The following STARD9 variants were observed in gnomAD, a reference collection of about 807,000 sequenced individuals.
STARD9 encodes the protein StAR related lipid transfer domain containing 9, also known as stAR-related lipid transfer protein 9.
STARD9 carries 346 observed loss-of-function variants against 399.8 expected under a neutral mutation model. The ratio of observed to expected loss-of-function variants is 0.87; its 90% CI spans 0.79 to 0.95. The LOEUF (loss-of-function observed/expected upper bound fraction) is 0.95, where lower values mean the gene tolerates loss of function less well. STARD9 is among the 40% of genes least tolerant of loss of function. The pLI, the probability that STARD9 is intolerant of heterozygous loss-of-function variation, is 0.00. For missense variants in STARD9, 5,832 were observed against 5,667.5 expected (o/e 1.03, Z -0.93); for synonymous variants, 2,203 against 2,143.5 (o/e 1.03, Z -0.77).
At position 42,691,428 on chromosome 15, in the gene STARD9, G is replaced by C. The variant is rs1044796344; in HGVS notation, c.9850G>C (p.Ala3284Pro). 7 of 1,537,242 alleles carry C rather than the reference G, an allele frequency of 4.6e-6. No homozygotes were observed. The Admixed American group carries it at 7.8e-5, about 17-fold the overall frequency. ...GAGGCAAAATGAAACACCGCAGCCT[G>C]CTGCTCAGAGGAGTGGCCACCTCTA... is the stretch of plus-strand genomic sequence containing the variant. ...SLRQNETPQP[A>P]AQRSGHLYTG... Residue 3284 changes from alanine to proline, a missense_variant, in exon 23 of 33, where the codon GCT (alanine) becomes CCT (proline). Ala to Pro is a conservative substitution (Grantham distance 27). This residue lies in a region of STARD9 where 5,828 missense variants were observed against 5,651.1 expected (regional missense o/e 1.03). Coordinates refer to ENST00000290607, the MANE Select transcript of STARD9 (RefSeq NM_020759.3).
At chr15:42,633,207 C>T (rs757259241) in intron 3 of STARD9, among the ~76,000 whole-genome samples, 13 of 151,346 alleles carry the variant, frequency 8.6e-5, no homozygotes, top group Non-Finnish European at 1.0e-4. Flanking sequence ...TCCCTAATTA[C>T]GTGTATTACT....
At chr15:42,714,532 A>G (rs913524112) in intron 26 of STARD9, among the ~76,000 whole-genome samples, 4 of 152,034 alleles carry the variant, frequency 2.6e-5, no homozygotes, top group Non-Finnish European at 5.9e-5. Flanking sequence ...TGCTTCAGCC[A>G]TTTTCCATAG....
Position 42,638,732 on chromosome 15 carries a change from A to T in STARD9, c.479A>T (p.Asp160Val), listed in dbSNP as rs1164054400. 2 of 1,536,246 alleles carry T rather than the reference A, an allele frequency of 1.3e-6. No individual in the cohort carries two copies. Among genetic ancestry groups the T allele is most frequent in the African/African-American group, 2.7e-5 (2 of 72,986 alleles). Residue 160 changes from aspartate to valine, a missense_variant, in exon 7 of 33, where the codon GAT (aspartate) becomes GTT (valine). Asp to Val is a radical substitution (Grantham distance 152). This residue lies in a region of STARD9 where 5,828 missense variants were observed against 5,651.1 expected (regional missense o/e 1.03). Coordinates refer to ENST00000290607, the MANE Select transcript of STARD9 (RefSeq NM_020759.3). ...FLEIYNERVR[D>V]LLKQSGQKKS... ...GAAATCTATAATGAACGGGTGCGGG[A>T]TCTGTTGAAGCAATCTGGTCAAAAA...
At chr15:42,602,760 A>T (rs79590158) in intron 3 of STARD9, among the ~76,000 whole-genome samples, 33 of 152,380 alleles carry the variant, frequency 2.2e-4, no homozygotes, top group African/African-American at 7.9e-4. Flanking sequence ...AGACTCGGCC[A>T]GCAATCAGCC....
At chr15:42,586,859 G>A (rs372097263) in intron 3 of STARD9, among the ~76,000 whole-genome samples, 144 of 147,458 alleles carry the variant, frequency 9.8e-4, no homozygotes, top group African/African-American at 3.3e-3. Context: ...TTTTTTTGGT[G>A]GGGGGCCGGG....
intron 26 of STARD9, among the ~76,000 whole-genome samples, chr15:42,713,560 A>T (rs909011219): frequency 6.6e-6 from 1 of 152,208 alleles, no homozygotes; most frequent in Non-Finnish European, 1.5e-5. Context: ...AGGTTGAGGA[A>T]ATTCCCTTAT....
At chr15:42,665,122 A>C (rs1170052871) in intron 13 of STARD9, 131 bp from the exon 14 acceptor site, 1 of 687,610 alleles carries the variant, frequency 1.5e-6, no homozygotes, top group East Asian at 2.8e-5. Flanking sequence ...TGGGACCACA[A>C]CTTGAGAATG....
intron 9 of STARD9, among the ~76,000 whole-genome samples, chr15:42,653,632 C>A (rs2059807770): frequency 6.6e-6 from 1 of 152,128 alleles, no homozygotes; most frequent in African/African-American, 2.4e-5. Flanking sequence ...ATATAAAAAA[C>A]TGGCAATAAG....
At chr15:42,579,952 G>A (rs1192385888) in intron 1 of STARD9, among the ~76,000 whole-genome samples, 1 of 152,124 alleles carries the variant, frequency 6.6e-6, no homozygotes, top group Non-Finnish European at 1.5e-5. Context: ...TACTTGGTGT[G>A]GACCTGCTCT....
chr15:42,652,597 G>A lies in STARD9; in HGVS notation c.702+5G>A, dbSNP rs2059785293. The A allele has an allele frequency of 6.5e-7, 1 of 1,536,976 alleles. No individual in the cohort carries two copies. The highest frequency in any genetic ancestry group is 8.7e-7 in the Non-Finnish European group (1 of 1,146,542). Reference sequence around the variant, plus strand: ...TTCACGATCCACTACACGCAGGTTGGTAACTCCTTATGTTTGGTGAGATTT... The same window carrying A: ...TTCACGATCCACTACACGCAGGTTGATAACTCCTTATGTTTGGTGAGATTT... On this transcript the variant is annotated splice_donor_5th_base_variant and intron_variant, in intron 9 of 32. Transcript: ENST00000290607.
chr15:42,708,244 G>A (rs1651384447), intron 26 of STARD9, among the ~76,000 whole-genome samples: 3 of 152,234 alleles, frequency 2.0e-5, no homozygotes, highest in African/African-American at 7.2e-5. Context: ...TAGGGGATTA[G>A]TTATTTGAAA....
Position 42,652,517 on chromosome 15 carries a change from C to G in STARD9, c.630-3C>G. On this transcript the variant is annotated splice_polypyrimidine_tract_variant and splice_region_variant and intron_variant, in intron 8 of 32. Transcript: ENST00000290607. ...TCCTAACAGTTTTTCCTTGTATACACAGAATCACAGCAGCCACCCATGTTC... is the reference window on the plus strand; with the variant it reads ...TCCTAACAGTTTTTCCTTGTATACAGAGAATCACAGCAGCCACCCATGTTC... 6.5e-7 allele frequency: 1 copy of G among 1,537,302 alleles called. No individual in the cohort carries two copies. Among genetic ancestry groups the G allele is most frequent in the East Asian group, 2.4e-5 (1 of 40,916 alleles).
intron 14 of STARD9, 116 bp downstream of exon 14, chr15:42,665,446 C>T (rs765041701): frequency 6.3e-5 from 51 of 812,890 alleles, no homozygotes; most frequent in African/African-American, 1.4e-4. Flanking sequence ...GACTCTCTTA[C>T]GGCAGAGACA....
At chr15:42,595,488 T>G (rs1476547992) in intron 3 of STARD9, among the ~76,000 whole-genome samples, 2 of 152,200 alleles carry the variant, frequency 1.3e-5, no homozygotes, top group Non-Finnish European at 1.5e-5. Context: ...CAATTAAAGG[T>G]TCAATGTATG....
intron 26 of STARD9, among the ~76,000 whole-genome samples, chr15:42,696,743 T>C (rs983846824): frequency 5.3e-5 from 8 of 152,056 alleles, no homozygotes; most frequent in Non-Finnish European, 1.2e-4. Flanking sequence ...TCTGCAGGAC[T>C]TGGTGACTGG....
rs201089701 is a variant in STARD9, at chr15:42,688,565, A to G, written c.6987A>G (p.Gln2329=). The change falls in exon 23 of 33, where the codon CAA becomes CAG. Residue 2329 remains glutamine, a synonymous_variant. Transcript: ENST00000290607. ...RTEFCTAPLH[Q]DLSNTLPLNS... ...AATTCTGTACAGCTCCTCTTCACCA[A>G]GACCTGAGTAATACCTTGCCCTTGA... The G allele has an allele frequency of 4.9e-5, 76 of 1,537,650 alleles. No individual in the cohort carries two copies. Among genetic ancestry groups the G allele is most frequent in the Middle Eastern group, 3.3e-4 (2 of 6,016 alleles).
rs1215257521 is a variant in STARD9 at position 42,693,544 on chromosome 15, C to T, written c.11966C>T (p.Pro3989Leu). 6.5e-7 allele frequency: 1 copy of T among 1,537,272 alleles called. No individual in the cohort carries two copies. Among genetic ancestry groups the T allele is most frequent in the Non-Finnish European group, 8.7e-7 (1 of 1,146,918 alleles). The change falls in exon 23 of 33, where the codon CCA becomes CTA. Residue 3989 changes from proline (P) to leucine (L), a missense_variant. Physicochemically the swap from Pro to Leu is moderately conservative, Grantham distance 98. Around this residue, in one of 2 missense-constraint regions of STARD9, gnomAD observed 5,828 missense variants for 5,651.1 expected, o/e 1.03. Transcript: ENST00000290607. ...LHSPHSPQQS[P>L]KLQFSFLGQH... Reference sequence around the variant, plus strand: ...TCCCCACACAGCCCACAGCAGAGTCCAAAACTCCAATTTAGTTTCTTAGGG... The same window carrying T: ...TCCCCACACAGCCCACAGCAGAGTCTAAAACTCCAATTTAGTTTCTTAGGG...
Position 42,686,318 on chromosome 15 carries a change from T to C in STARD9, c.4740T>C (p.Ser1580=), listed in dbSNP as rs753495676. 2.0e-6 allele frequency: 3 copies of C among 1,537,316 alleles called. No homozygotes were observed. The highest frequency in any genetic ancestry group is 2.4e-5 in the South Asian group (2 of 84,058). Residue 1580 remains serine (S), a synonymous_variant, in exon 23 of 33, where the codon AGT becomes AGC. Transcript: ENST00000290607. ...GTGTTTCAGATTTCTTTAGCACTAG[T>C]GAGAAAGAGGCGAGTTATGACGAAA... ...LEGVSDFFST[S]EKEASYDETY... is the part of the protein sequence containing the mutation.
At position 42,685,377 on chromosome 15, in the gene STARD9, G is replaced by A. The variant is rs932817949; in HGVS notation, c.3799G>A (p.Ala1267Thr). Residue 1267 changes from alanine to threonine, a missense_variant, in exon 23 of 33, where the codon GCC (alanine) becomes ACC (threonine). By Grantham distance (58) the Ala-to-Thr change is moderately conservative. Around this residue, in one of 2 missense-constraint regions of STARD9, gnomAD observed 5,828 missense variants for 5,651.1 expected, o/e 1.03. Coordinates refer to ENST00000290607, the MANE Select transcript of STARD9 (RefSeq NM_020759.3). ...CTACAGAACAGCAGCTAGGCTGGAT[G>A]CCGTCCTGCCAATGAGCAGTTCGTT... ...INYRTAARLD[A>T]VLPMSSSFYL... 105 of 1,536,854 alleles carry A rather than the reference G, an allele frequency of 6.8e-5. No individual in the cohort carries two copies. The highest frequency in any genetic ancestry group is 8.6e-5 in the Non-Finnish European group (99 of 1,146,922).
Sources: gnomAD v4.1 joint callset for allele counts (sites outside exome capture counted in the v4.1 genomes callset) on GRCh38, gnomAD v4.1.1 for gene constraint, gnomAD v4.1.1 regional missense constraint, MANE v1.5 for transcripts, NCBI Gene and HGNC (gene_info 2026-07-23, HGNC 2026-07-21) for gene names.